Variants in GIPR observed in about 807,000 individuals in gnomAD.
GIPR encodes GIP-R.
A neutral mutation model predicts 62.2 loss-of-function variants in GIPR; 74 were observed. That is an observed-to-expected ratio of 1.19 (90% CI 0.99 to 1.44). GIPR has a LOEUF of 1.44. GIPR is among the 40% of genes most tolerant of loss of function. The pLI is 0.00. For synonymous variants in GIPR, 256 were observed against 262.2 expected (o/e 0.98, Z 0.23); for missense variants, 664 against 611.8 (o/e 1.09, Z -0.90).
chr19:45,674,218 C>A, intron 6 of GIPR, 41 bp downstream of exon 6: 1 of 1,298,132 alleles, frequency 7.7e-7, no homozygotes, highest in Non-Finnish European at 1.1e-6. Flanking sequence ...GAGATGTGAG[C>A]TCGGCCTCAG....
Position 45,681,849 on chromosome 19 carries a change from G to C in GIPR, c.1315G>C (p.Glu439Gln). Residue 439 changes from glutamate to glutamine, a missense_variant, in exon 14 of 14, where the codon GAG becomes CAG. Transcript: ENST00000590918. ...RALPSGSGPG[E>Q]VPTSRGLSSG... ...CCTGCCCTCCGGCTCCGGCCCGGGCGAGGTCCCCACCAGCCGCGGCTTGTC... is the reference window on the plus strand; with the variant it reads ...CCTGCCCTCCGGCTCCGGCCCGGGCCAGGTCCCCACCAGCCGCGGCTTGTC... 1 of 1,554,236 alleles carries C rather than the reference G, an allele frequency of 6.4e-7. No homozygotes were observed. The highest frequency in any genetic ancestry group is 8.7e-7 in the Non-Finnish European group (1 of 1,148,524).
chr19:45,674,609 A>T, intron 6 of GIPR, 73 bp from the exon 7 acceptor site: 1 of 1,464,424 alleles, frequency 6.8e-7, no homozygotes, highest in Non-Finnish European at 9.5e-7. Flanking sequence ...CCTGTTTAAA[A>T]AAAAAAATAG....
At chr19:45,681,505 A>AACAG in intron 12 of GIPR, 99 bp from the exon 13 acceptor site, 1 of 1,081,692 alleles carries the variant, frequency 9.2e-7, no homozygotes, top group Non-Finnish European at 1.4e-6. Context: ...CTTAAAAACA[A>AACAG]ACAAACAAAC....
chr19:45,671,141 T>TGGGCGGGGCTA, intron 3 of GIPR, 144 bp from the exon 4 acceptor site: 1 of 684,808 alleles, frequency 1.5e-6, no homozygotes, highest in Non-Finnish European at 2.7e-6. Context: ...GCCCTCCGAG[T>TGGGCGGGGCTA]GGGCGGGGCT....
intron 1 of GIPR, 80 bp from the exon 2 acceptor site, chr19:45,669,397 T>G: frequency 2.9e-6 from 4 of 1,360,158 alleles, no homozygotes; most frequent in Non-Finnish European, 3.0e-6. Flanking sequence ...TCTGCCCCTG[T>G]GTGTGAATCC....
In GIPR at chr19:45,671,299, G is replaced by A. The variant is rs1406036788; in HGVS notation, c.187G>A (p.Gly63Arg). ...CCCACCCCCAGGCCTCGCCTGTAAC[G>A]GGTCCTTCGATATGTACGTCTGCTG... Reference protein sequence around the residue: ...AEPPSGLACNGSFDMYVCWDY... With the variant: ...AEPPSGLACNRSFDMYVCWDY... The change falls in exon 4 of 14, where the codon GGG (glycine) becomes AGG (arginine). Residue 63 changes from glycine (G) to arginine (R), a missense_variant. Physicochemically the swap from Gly to Arg is moderately radical, Grantham distance 125 (BLOSUM62 -2). Coordinates refer to ENST00000590918, the MANE Select transcript of GIPR (RefSeq NM_000164.4). 1.9e-6 allele frequency: 3 copies of A among 1,611,238 alleles called. No individual in the cohort carries two copies. Among genetic ancestry groups the A allele is most frequent in the Non-Finnish European group, 2.5e-6 (3 of 1,178,676 alleles).
chr19:45,675,110 T>C (rs1975768014), intron 7 of GIPR: 1 of 409,704 alleles, frequency 2.4e-6, no homozygotes, highest in South Asian at 2.4e-5. Flanking sequence ...TTTTCACCAA[T>C]GAGAGAATCC....
chr19:45,672,583 G>A (rs1975598393), intron 4 of GIPR: 1 of 400,180 alleles, frequency 2.5e-6, no homozygotes, highest in East Asian at 5.8e-5. Flanking sequence ...GGGATTACAG[G>A]TGTGAGCCAC....
At chr19:45,673,375 G>A (rs780777394) in intron 5 of GIPR, among the ~76,000 whole-genome samples, 7 of 142,154 alleles carry the variant, frequency 4.9e-5, no homozygotes, top group Admixed American at 1.5e-4. Flanking sequence ...AGCCAAGATC[G>A]TGCCACTGCA....
chr19:45,672,872 G>C lies in GIPR; in HGVS notation c.302G>C (p.Arg101Pro). The change falls in exon 5 of 14, where the codon CGC (arginine) becomes CCC (proline). Residue 101 changes from arginine to proline, a missense_variant. By Grantham distance (103) the Arg-to-Pro change is moderately radical. Transcript: ENST00000590918. ...ACAGTGGCTGCAGGTTTCGTCCTCC[G>C]CCAGTGTGGCAGTGATGGCCAATGG... The part of the protein sequence containing the change: ...HHHVAAGFVL[R>P]QCGSDGQWGL... The C allele has an allele frequency of 6.2e-7, 1 of 1,612,492 alleles. No homozygotes were observed. Among genetic ancestry groups the C allele is most frequent in the Non-Finnish European group, 8.5e-7 (1 of 1,178,616 alleles).
At chr19:45,677,839 G>T in intron 10 of GIPR, 60 bp downstream of exon 10, 1 of 1,594,508 alleles carries the variant, frequency 6.3e-7, no homozygotes. Flanking sequence ...TGGGAAGTGG[G>T]CTGCCACCTC....
intron 7 of GIPR, 149 bp downstream of exon 7, chr19:45,674,975 T>A: frequency 9.7e-6 from 7 of 721,624 alleles, no homozygotes; most frequent in Non-Finnish European, 1.7e-5. Flanking sequence ...GGGTGGGGGA[T>A]CAAGACACAT....
chr19:45,674,657 C>T, intron 6 of GIPR, 25 bp from the exon 7 acceptor site: 1 of 1,613,392 alleles, frequency 6.2e-7, no homozygotes, highest in Non-Finnish European at 8.5e-7. Context: ...CAGGGGCCCC[C>T]ACACTGCCTT....
intron 4 of GIPR, 80 bp downstream of exon 4, chr19:45,671,472 T>C: frequency 1.2e-6 from 1 of 864,338 alleles, no homozygotes; most frequent in South Asian, 1.3e-5. Context: ...TACATCCGAG[T>C]CCCACAGCTC....
rs944823367 is a variant in GIPR at position 45,682,564 on chromosome 19, T to A, written c.*629T>A. The A allele has an allele frequency of 1.6e-5, 2 of 125,360 alleles. No individual in the cohort carries two copies. Among genetic ancestry groups the A allele is most frequent in the African/African-American group, 3.0e-5 (1 of 33,474 alleles). 7.8% of individuals were successfully genotyped at this position (125,360 alleles called of 1,614,324 possible). A position where few individuals can be genotyped will look rare whatever the true frequency, so the allele number is the denominator to read the frequency against. ...ACAGGCGTGAGCCACCGCACCCGGC[T>A]TTTTTTTTTTTTTTTAAACGGAGTC... On this transcript the variant is annotated 3_prime_UTR_variant, in exon 14 of 14. Coordinates refer to ENST00000590918, the MANE Select transcript of GIPR (RefSeq NM_000164.4).
chr19:45,677,889 C>A lies in GIPR; in HGVS notation c.925-17C>A, dbSNP rs1445027497. 2 of 1,612,398 alleles carry A rather than the reference C, an allele frequency of 1.2e-6. No homozygotes were observed. Among genetic ancestry groups the A allele is most frequent in the African/African-American group, 2.7e-5 (2 of 75,006 alleles). ...GAATGGGATCGCGGCTGGCTCAGCC[C>A]TTATCTCTCCCCACAGATTAATTTC... is the stretch of plus-strand genomic sequence containing the variant. On this transcript the variant is annotated splice_polypyrimidine_tract_variant and intron_variant, in intron 10 of 13. Transcript: ENST00000590918.
chr19:45,675,595 A>AG (rs1975803864), intron 7 of GIPR, among the ~76,000 whole-genome samples: 1 of 148,274 alleles, frequency 6.7e-6, no homozygotes, highest in Non-Finnish European at 1.5e-5. Flanking sequence ...AAAAAAAAAA[A>AG]GCCATAGCGT....
Position 45,677,303 on chromosome 19 carries a change from CGGGGT to C in GIPR, c.794-19_794-15del. On this transcript the variant is annotated splice_polypyrimidine_tract_variant and intron_variant, in intron 8 of 13. Coordinates refer to ENST00000590918, the MANE Select transcript of GIPR (RefSeq NM_000164.4). ...TGACAGCTGCGGCGGGGTGGGGGGG[CGGGGT>C]CGGGGTCTGCACAGGGGCCCCCGCG... The C allele has an allele frequency of 1.2e-6, 1 of 810,270 alleles. No homozygotes were observed. The highest frequency in any genetic ancestry group is 1.8e-5 in the African/African-American group (1 of 55,944). The allele number at this position is 810,270 out of a possible 1,614,324, so 50.2% of individuals were successfully genotyped here. A position where few individuals can be genotyped will look rare whatever the true frequency, so the allele number is the denominator to read the frequency against.
At position 45,674,768 on chromosome 19, in the gene GIPR, G is replaced by A. The variant is rs200233374; in HGVS notation, c.575G>A (p.Arg192His). Residue 192 changes from arginine (R) to histidine (H), a missense_variant, in exon 7 of 14, where the codon CGT becomes CAT. Coordinates refer to ENST00000590918, the MANE Select transcript of GIPR (RefSeq NM_000164.4). ...GCTGCGGCCATTCTCAGCCGAGACCGTCTGCTACCTCGACCTGGCCCCTAC... is the reference window on the plus strand; with the variant it reads ...GCTGCGGCCATTCTCAGCCGAGACCATCTGCTACCTCGACCTGGCCCCTAC... ...LRAAAILSRD[R>H]LLPRPGPYLG... 43 of 1,613,888 alleles carry A rather than the reference G, an allele frequency of 2.7e-5. No homozygotes were observed. The highest frequency in any genetic ancestry group is 1.9e-4 in the South Asian group (17 of 91,072).
Sources: allele counts gnomAD v4.1 joint callset (sites outside exome capture counted in the v4.1 genomes callset), GRCh38; gene constraint gnomAD v4.1.1; transcripts MANE v1.5; gene names NCBI Gene and HGNC (gene_info 2026-07-23, HGNC 2026-07-21).